MMP16: variants seen among roughly 807,000 people sequenced by gnomAD.
MMP16 encodes the protein matrix metallopeptidase 16, also known as matrix metalloproteinase-16.
In MMP16, 12 loss-of-function variants were observed where a neutral mutation model predicts 67.8. That is an observed-to-expected ratio of 0.18 (90% CI 0.11 to 0.29). MMP16 has a LOEUF of 0.29. Among genes scored for constraint, MMP16 ranks in the 10% least tolerant of loss-of-function variants. The pLI is 1.00. For missense variants in MMP16, 475 were observed against 765.7 expected (o/e 0.62, Z 4.48); for synonymous variants, 249 against 255.9 (o/e 0.97, Z 0.26).
intron 6 of MMP16, among the ~76,000 whole-genome samples, chr8:88,115,042 A>C (rs1809405191): frequency 6.6e-6 from 1 of 152,024 alleles, no homozygotes; most frequent in Non-Finnish European, 1.5e-5. Flanking sequence ...GCTCCTCTGA[A>C]ATCAGCAACC....
At chr8:88,203,547 T>C (rs902565667) in intron 1 of MMP16, among the ~76,000 whole-genome samples, 1 of 152,202 alleles carries the variant, frequency 6.6e-6, no homozygotes, top group African/African-American at 2.4e-5. Context: ...CACCACTAGA[T>C]GTCCTAAAGG....
Position 88,078,141 on chromosome 8 carries a change from T to C in MMP16, c.1084-3398A>G, listed in dbSNP as rs973915420. On this transcript the variant is annotated intron_variant, in intron 6 of 9. Coordinates refer to ENST00000286614, the MANE Select transcript of MMP16 (RefSeq NM_005941.5). ...TCCCTCTCCTTCTCCCTCTCTTTCTTTGGTTTGGCCCTTATAGAAGGAGGT... is the reference window on the plus strand; with the variant it reads ...TCCCTCTCCTTCTCCCTCTCTTTCTCTGGTTTGGCCCTTATAGAAGGAGGT... Among the ~76,000 whole-genome samples the C allele has an allele frequency of 1.9e-4, 29 of 152,182 alleles. 1 individual carries two copies. Among genetic ancestry groups the C allele is most frequent in the Admixed American group, 3.9e-4 (6 of 15,284 alleles).
At chr8:88,242,597 TG>T (rs1474797519) in intron 1 of MMP16, among the ~76,000 whole-genome samples, 1 of 152,168 alleles carries the variant, frequency 6.6e-6, no homozygotes, top group East Asian at 1.9e-4. Context: ...GCACTGTCAT[TG>T]AGTCATCCAA....
intron 7 of MMP16, among the ~76,000 whole-genome samples, chr8:88,072,198 A>T (rs919263417): frequency 2.6e-5 from 4 of 152,012 alleles, no homozygotes; most frequent in African/African-American, 9.7e-5. Flanking sequence ...TAAGGGCTAT[A>T]AAGAGAGAGA....
At position 88,046,798 on chromosome 8, in the gene MMP16, A is replaced by AAAC. The variant is rs761516388; in HGVS notation, c.1374-17_1374-15dup. 1 of 1,496,476 alleles carries AAAC rather than the reference A, an allele frequency of 6.7e-7. No individual in the cohort carries two copies. The highest frequency in any genetic ancestry group is 1.4e-5 in the African/African-American group (1 of 71,598). The allele number at this position is 1,496,476 out of a possible 1,614,324, so 92.7% of individuals were successfully genotyped here. A position where few individuals can be genotyped will look rare whatever the true frequency, so the allele number is the denominator to read the frequency against. ...TATCTCCAATATCTACAAAGGATAA[A>AAAC]AACAACAACAACAAACACAATAACA... On this transcript the variant is annotated splice_polypyrimidine_tract_variant and intron_variant, in intron 8 of 9. Transcript: ENST00000286614.
At position 88,033,410 on chromosome 8, in the gene MMP16, T is replaced by C. The variant is rs1808011013; in HGVS notation, c.*8051A>G. 1.3e-5 allele frequency: 2 copies of C among 151,480 alleles called. No homozygotes were observed. The highest frequency in any genetic ancestry group is 2.4e-5 in the African/African-American group (1 of 41,332). 9.4% of individuals were successfully genotyped at this position (151,480 alleles called of 1,614,324 possible). A position where few individuals can be genotyped will look rare whatever the true frequency, so the allele number is the denominator to read the frequency against. On this transcript the variant is annotated 3_prime_UTR_variant, in exon 10 of 10. Transcript: ENST00000286614. ...TACTGATCCACCGCTGGAATCAAGA[T>C]AATGTTAATAAAGGTATACACGTTT...
Position 88,157,167 on chromosome 8 carries a change from T to C in MMP16, c.709+10502A>G, listed in dbSNP as rs556508295. On this transcript the variant is annotated intron_variant, in intron 4 of 9. Transcript: ENST00000286614. ...TTGCATCTATGCAGTCAATCAACCA[T>C]GGATTGAAATATTTGAACAAAAAAA... is the stretch of plus-strand genomic sequence containing the variant. Among the ~76,000 whole-genome samples, 58 of 152,178 alleles carry C rather than the reference T, an allele frequency of 3.8e-4. No individual in the cohort carries two copies. The South Asian group carries it at 0.011, about 29-fold the overall frequency.
intron 1 of MMP16, among the ~76,000 whole-genome samples, chr8:88,202,914 G>A (rs1489496271): frequency 6.6e-6 from 1 of 151,920 alleles, no homozygotes; most frequent in Non-Finnish European, 1.5e-5. Context: ...CAATGCACCA[G>A]GTAAACGTTC....
At chr8:88,096,818 C>CT (rs1809035453) in intron 6 of MMP16, among the ~76,000 whole-genome samples, 1 of 151,844 alleles carries the variant, frequency 6.6e-6, no homozygotes, top group African/African-American at 2.4e-5. Context: ...TTTAAAGGTT[C>CT]CAGCCAGACT....
chr8:88,199,549 T>C (rs903672380), intron 1 of MMP16, among the ~76,000 whole-genome samples: 1 of 152,098 alleles, frequency 6.6e-6, no homozygotes, highest in African/African-American at 2.4e-5. Context: ...TACAAACTTA[T>C]AATATCTTTT....
intron 2 of MMP16, among the ~76,000 whole-genome samples, chr8:88,195,259 G>A (rs1332560582): frequency 3.3e-5 from 5 of 152,116 alleles, no homozygotes; most frequent in East Asian, 3.9e-4. Context: ...CAAAACTTGC[G>A]GAAATGTACC....
chr8:88,227,367 C>T (rs72675183), intron 1 of MMP16, among the ~76,000 whole-genome samples: 4,431 of 151,934 alleles, frequency 0.029, 95 homozygotes, highest in Non-Finnish European at 0.039. Context: ...TTAAAAGGGA[C>T]GAAAAATTAC....
chr8:88,110,683 T>C (rs1269736516), intron 6 of MMP16, among the ~76,000 whole-genome samples: 1 of 151,664 alleles, frequency 6.6e-6, no homozygotes, highest in Non-Finnish European at 1.5e-5. Context: ...TAGTTTTTAA[T>C]CATTCCATTG....
chr8:88,172,073 C>T (rs1399625314), intron 3 of MMP16, among the ~76,000 whole-genome samples: 3 of 152,154 alleles, frequency 2.0e-5, no homozygotes, highest in African/African-American at 7.2e-5. Context: ...GTCGCCTTGG[C>T]CTCCAAAGTG....
intron 1 of MMP16, among the ~76,000 whole-genome samples, chr8:88,208,137 C>T (rs1479057982): frequency 6.6e-6 from 1 of 151,882 alleles, no homozygotes; most frequent in Non-Finnish European, 1.5e-5. Context: ...AAAAAGTGCC[C>T]TATTCTGGAA....
chr8:88,041,584 A>C lies in MMP16; in HGVS notation c.1701T>G (p.Ile567Met), dbSNP rs911606002. The change falls in exon 10 of 10, where the codon ATT becomes ATG. Residue 567 changes from isoleucine to methionine, a missense_variant. Coordinates refer to ENST00000286614, the MANE Select transcript of MMP16 (RefSeq NM_005941.5). The surrounding 1 kb of genome is among the most constrained non-coding windows in gnomAD (Gnocchi z 6.0). The stretch of plus-strand genomic sequence containing the variant: ...ATAAGGCCAAGATGCAGGGAATGAC[A>C]ATAGCTATGGCTTTCACAGTGCTGG... ...NTASTVKAIAIVIPCILALCL... is the reference protein window; with the variant it reads ...NTASTVKAIAMVIPCILALCL... The C allele has an allele frequency of 4.3e-6, 7 of 1,614,144 alleles. No homozygotes were observed. The highest frequency in any genetic ancestry group is 5.9e-6 in the Non-Finnish European group (7 of 1,179,994).
chr8:88,245,561 C>T (rs998642524), intron 1 of MMP16, among the ~76,000 whole-genome samples: 2 of 152,118 alleles, frequency 1.3e-5, no homozygotes, highest in East Asian at 1.9e-4. Context: ...ACAAGGTGAA[C>T]ACAAGAGGAA....
chr8:88,321,078 T>C (rs1159302913), intron 1 of MMP16, among the ~76,000 whole-genome samples: 1 of 152,206 alleles, frequency 6.6e-6, no homozygotes, highest in Non-Finnish European at 1.5e-5. Flanking sequence ...TAGCATTCTG[T>C]CCTTTTAGTA....
intron 1 of MMP16, among the ~76,000 whole-genome samples, chr8:88,226,826 G>A (rs1250686173): frequency 1.3e-5 from 2 of 151,882 alleles, no homozygotes; most frequent in African/African-American, 2.4e-5. Flanking sequence ...AAACATTCAG[G>A]AGGACTTTGT....
Sources: gnomAD v4.1 joint callset for allele counts (sites outside exome capture counted in the v4.1 genomes callset) on GRCh38, gnomAD v4.1.1 for gene constraint, Gnocchi (gnomAD v3.1) non-coding constraint, MANE v1.5 for transcripts, NCBI Gene and HGNC (gene_info 2026-07-23, HGNC 2026-07-21) for gene names.